TRAF3IP2: variants seen among roughly 807,000 people sequenced by gnomAD.
TRAF3IP2 encodes TRAF3 interacting protein 2.
A neutral mutation model predicts 57.9 loss-of-function variants in TRAF3IP2; 35 were observed. The ratio of observed to expected loss-of-function variants is 0.60; its 90% confidence interval spans 0.46 to 0.80. The LOEUF (loss-of-function observed/expected upper bound fraction) is 0.80. TRAF3IP2 is among the 30% of genes least tolerant of loss of function. The probability of loss-of-function intolerance (pLI) is 0.00; values close to 1 mark genes in which losing one functional copy is unlikely to be tolerated. For missense variants in TRAF3IP2, 556 were observed against 706.4 expected (o/e 0.79, Z 2.41); for synonymous variants, 251 against 268.9 (o/e 0.93, Z 0.65).
intron 3 of TRAF3IP2, among the ~76,000 whole-genome samples, chr6:111,578,248 G>T (rs1796049909): frequency 6.6e-6 from 1 of 151,950 alleles, no homozygotes; most frequent in Non-Finnish European, 1.5e-5. Flanking sequence ...TATTTCCCTG[G>T]AATTTTAGAT....
chr6:111,567,100 G>A, intron 6 of TRAF3IP2: 1 of 882,218 alleles, frequency 1.1e-6, no homozygotes. Flanking sequence ...AAAAGAAGCA[G>A]CCGACACGGA....
chr6:111,586,962 T>A (rs1796356079), intron 2 of TRAF3IP2: 1 of 152,198 alleles, frequency 6.6e-6, no homozygotes, highest in Non-Finnish European at 1.5e-5. Context: ...TCCTAGTGCC[T>A]TTAATACATT....
rs376509236 is a variant in TRAF3IP2, at chr6:111,560,053, C to T, written c.1552-502G>A. On this transcript the variant is annotated intron_variant, in intron 8 of 8. Transcript: ENST00000368761. Reference sequence around the variant, plus strand: ...TCCTGGGGGTGCAGTGTCAGACTGCCCTCATGGAGTGGATGTTCTGGTGGG... The same window carrying T: ...TCCTGGGGGTGCAGTGTCAGACTGCTCTCATGGAGTGGATGTTCTGGTGGG... Among the ~76,000 whole-genome samples, 225 of 152,272 alleles carry T rather than the reference C, an allele frequency of 1.5e-3. 10 individuals are homozygous for T. The South Asian group carries it at 0.045, about 30-fold the overall frequency.
intron 2 of TRAF3IP2, among the ~76,000 whole-genome samples, chr6:111,585,052 T>C (rs981214400): frequency 1.3e-5 from 2 of 152,222 alleles, no homozygotes; most frequent in Non-Finnish European, 2.9e-5. Context: ...CTTGCTTCCT[T>C]GACCTTCTCA....
At chr6:111,605,054 TA>T (rs1352943926) in intron 1 of TRAF3IP2, among the ~76,000 whole-genome samples, 1 of 151,040 alleles carries the variant, frequency 6.6e-6, no homozygotes, top group Non-Finnish European at 1.5e-5. Flanking sequence ...CTTGTCCTTT[TA>T]AAAAATTTGG....
At chr6:111,602,296 C>T (rs548795711) in intron 1 of TRAF3IP2, 1 of 148,324 alleles carries the variant, frequency 6.7e-6, no homozygotes, top group Non-Finnish European at 1.5e-5. Context: ...CAACCTCAAA[C>T]CAGCCCATGT....
intron 2 of TRAF3IP2, among the ~76,000 whole-genome samples, chr6:111,583,850 C>A (rs905749126): frequency 1.2e-4 from 18 of 152,174 alleles, no homozygotes; most frequent in Admixed American, 7.9e-4. Context: ...TCTTAATTCT[C>A]TTCTGCTGTC....
At chr6:111,589,129 C>T (rs13200731) in intron 2 of TRAF3IP2, among the ~76,000 whole-genome samples, 379 of 137,138 alleles carry the variant, frequency 2.8e-3, no homozygotes, top group Middle Eastern at 8.9e-3. Context: ...GGTGCAGTCT[C>T]GGCTCACTGT....
intron 1 of TRAF3IP2, chr6:111,601,027 G>C: frequency 1.9e-6 from 1 of 536,686 alleles, no homozygotes; most frequent in Non-Finnish European, 3.4e-6. Flanking sequence ...TTAAGTAGCA[G>C]AGCTGTGATT....
At chr6:111,566,040 C>T (rs569803295) in intron 7 of TRAF3IP2, among the ~76,000 whole-genome samples, 3 of 152,246 alleles carry the variant, frequency 2.0e-5, no homozygotes, top group African/African-American at 4.8e-5. Context: ...CCTTTCACTA[C>T]GCCACCTGCC....
At chr6:111,594,640 C>T (rs991263660) in intron 1 of TRAF3IP2, 20 of 348,494 alleles carry the variant, frequency 5.7e-5, no homozygotes, top group African/African-American at 2.6e-4. Flanking sequence ...TGGGGCTGGG[C>T]GTGGTGGCTC....
chr6:111,575,358 G>A (rs978931110), intron 4 of TRAF3IP2, among the ~76,000 whole-genome samples: 1 of 152,080 alleles, frequency 6.6e-6, no homozygotes. Flanking sequence ...GGAGGCCGAG[G>A]CAGGTGGATC....
intron 7 of TRAF3IP2, among the ~76,000 whole-genome samples, chr6:111,565,469 C>T (rs1795606311): frequency 6.6e-6 from 1 of 152,158 alleles, no homozygotes; most frequent in Non-Finnish European, 1.5e-5. Flanking sequence ...AACAAACAAG[C>T]CTGAGAAGTA....
chr6:111,584,862 T>C (rs1409459465), intron 2 of TRAF3IP2, among the ~76,000 whole-genome samples: 1 of 152,212 alleles, frequency 6.6e-6, no homozygotes, highest in Non-Finnish European at 1.5e-5. Flanking sequence ...TTGAGAATTA[T>C]AGAGTTCAAT....
chr6:111,559,982 A>G (rs906227906), intron 8 of TRAF3IP2, among the ~76,000 whole-genome samples: 2 of 152,172 alleles, frequency 1.3e-5, no homozygotes, highest in African/African-American at 2.4e-5. Flanking sequence ...GAAGGAGCCC[A>G]TCAGACCTCA....
chr6:111,591,399 G>T lies in TRAF3IP2; in HGVS notation c.688C>A (p.Pro230Thr), dbSNP rs776141706. 10 of 1,557,490 alleles carry T rather than the reference G, an allele frequency of 6.4e-6. No homozygotes were observed. The highest frequency in any genetic ancestry group is 8.7e-6 in the Non-Finnish European group (10 of 1,153,652). Reference protein sequence around the residue: ...SVCYPQDLPRPLRSREFPQFE... With the variant: ...SVCYPQDLPRTLRSREFPQFE... ...TGAGGGAACTCCCTGGACCTGAGAG[G>T]TCTGGGGAGGTCCTGGGGGTAACAC... The change falls in exon 2 of 9, where the codon CCT becomes ACT. Residue 230 changes from proline (P) to threonine (T), a missense_variant. Physicochemically the swap from Pro to Thr is conservative, Grantham distance 38. Coordinates refer to ENST00000368761, the MANE Select transcript of TRAF3IP2 (RefSeq NM_147686.4). This position sits in a 1 kb window ranked among gnomAD's most constrained non-coding sequence, Gnocchi z 4.9.
rs1796518406 is a variant in TRAF3IP2, at chr6:111,591,587, G to A, written c.500C>T (p.Ser167Leu). ...DKSDQSLPNA[S>L]ADSLGGSQEM... is the part of the protein sequence containing the mutation. ...CTGGCTACCGCCCAAGGAGTCTGCT[G>A]AGGCATTAGGTAAACTTTGGTCTGA... Residue 167 changes from serine to leucine, a missense_variant, in exon 2 of 9, where the codon TCA (serine) becomes TTA (leucine). Physicochemically the swap from Ser to Leu is moderately radical, Grantham distance 145. Transcript: ENST00000368761. The surrounding 1 kb of genome is among the most constrained non-coding windows in gnomAD (Gnocchi z 4.9). 1 of 1,614,248 alleles carries A rather than the reference G, an allele frequency of 6.2e-7. No individual in the cohort carries two copies.
At chr6:111,579,004 A>G (rs1322867987) in intron 3 of TRAF3IP2, among the ~76,000 whole-genome samples, 2 of 152,156 alleles carry the variant, frequency 1.3e-5, no homozygotes, top group Non-Finnish European at 2.9e-5. Context: ...AAATTAAGAG[A>G]AAAGGAAAGT....
chr6:111,569,524 G>C (rs931828708), intron 5 of TRAF3IP2, among the ~76,000 whole-genome samples: 1 of 152,172 alleles, frequency 6.6e-6, no homozygotes, highest in African/African-American at 2.4e-5. Context: ...GGCTGAGGGG[G>C]GCAGATCACT....
Sources: gnomAD v4.1 joint callset for allele counts (sites outside exome capture counted in the v4.1 genomes callset) on GRCh38, gnomAD v4.1.1 for gene constraint, Gnocchi (gnomAD v3.1) non-coding constraint, MANE v1.5 for transcripts, NCBI Gene and HGNC (gene_info 2026-07-23, HGNC 2026-07-21) for gene names.